The following GOLIM4 variants were observed in gnomAD, a reference collection of about 807,000 sequenced individuals.
The protein encoded by GOLIM4 is 130 kDa golgi-localized phosphoprotein.
In GOLIM4, 71 loss-of-function variants were observed where a neutral mutation model predicts 107.4. The ratio of observed to expected loss-of-function variants is 0.66; its 90% CI spans 0.55 to 0.81. GOLIM4 has a LOEUF of 0.81. Among genes scored for constraint, GOLIM4 ranks in the 30% least tolerant of loss-of-function variants. The probability of loss-of-function intolerance (pLI) is 0.00; values close to 1 mark genes in which losing one functional copy is unlikely to be tolerated. For synonymous variants in GOLIM4, 327 were observed against 294.8 expected (o/e 1.11, Z -1.12); for missense variants, 830 against 826.1 (o/e 1.00, Z -0.06).
intron 14 of GOLIM4, among the ~76,000 whole-genome samples, chr3:168,023,815 A>G (rs1717842881): frequency 6.6e-6 from 1 of 152,206 alleles, no homozygotes. Flanking sequence ...AACAAGCAGC[A>G]TTCACCAATT....
intron 1 of GOLIM4, among the ~76,000 whole-genome samples, chr3:168,052,041 T>G (rs781157157): frequency 6.6e-6 from 1 of 152,164 alleles, no homozygotes; most frequent in South Asian, 2.1e-4. Context: ...AGACACAGCC[T>G]TGATGCCTGG....
rs1272091504 is a variant in GOLIM4, at chr3:168,087,378, G to C, written c.187+7721C>G. Among the ~76,000 whole-genome samples the C allele has an allele frequency of 4.6e-5, 7 of 152,130 alleles. No individual in the cohort carries two copies. The East Asian group carries it at 1.3e-3, about 29-fold the overall frequency. Reference sequence around the variant, plus strand: ...GAAAAACAGAGAAGCAACTCTCTAGGAGAGAGATTCTAGCATCAGACTGAG... The same window carrying C: ...GAAAAACAGAGAAGCAACTCTCTAGCAGAGAGATTCTAGCATCAGACTGAG... On this transcript the variant is annotated intron_variant, in intron 1 of 15. Coordinates refer to ENST00000470487, the MANE Select transcript of GOLIM4 (RefSeq NM_014498.5).
intron 8 of GOLIM4, among the ~76,000 whole-genome samples, chr3:168,033,639 A>AAAAAAAAAAC (rs1718471419): frequency 7.0e-6 from 1 of 142,874 alleles, no homozygotes; most frequent in African/African-American, 2.7e-5. Context: ...AAAAAAAAAA[A>AAAAAAAAAAC]AAGAATGCCA....
intron 1 of GOLIM4, among the ~76,000 whole-genome samples, chr3:168,057,952 T>C (rs1160325627): frequency 1.3e-5 from 2 of 152,172 alleles, no homozygotes; most frequent in Non-Finnish European, 2.9e-5. Context: ...TTCCCAAATA[T>C]GTAGGCTCAT....
At chr3:168,093,778 A>T (rs527854752) in intron 1 of GOLIM4, among the ~76,000 whole-genome samples, 19 of 152,214 alleles carry the variant, frequency 1.2e-4, no homozygotes, top group Admixed American at 2.6e-4. Context: ...GTGGCTATGC[A>T]GCGTCAGTAA....
chr3:168,040,300 T>A (rs1264197425), intron 7 of GOLIM4, among the ~76,000 whole-genome samples: 1 of 152,234 alleles, frequency 6.6e-6, no homozygotes, highest in African/African-American at 2.4e-5. Flanking sequence ...TCCTTCTCTG[T>A]TGACTCTTCT....
At chr3:168,042,783 T>A (rs1306085484) in intron 5 of GOLIM4, among the ~76,000 whole-genome samples, 1 of 152,222 alleles carries the variant, frequency 6.6e-6, no homozygotes, top group Non-Finnish European at 1.5e-5. Flanking sequence ...TTATGTAAAT[T>A]ATTTCTCACA....
intron 1 of GOLIM4, among the ~76,000 whole-genome samples, chr3:168,064,037 C>T (rs527534689): frequency 6.6e-6 from 1 of 152,266 alleles, no homozygotes; most frequent in Non-Finnish European, 1.5e-5. Context: ...CACTATACCA[C>T]CCTGCATCAT....
At chr3:168,010,448 A>G in intron 15 of GOLIM4, 30 bp from the exon 16 acceptor site, 1 of 1,410,014 alleles carries the variant, frequency 7.1e-7, no homozygotes, top group Non-Finnish European at 1.0e-6. Flanking sequence ...AGAAAAACTA[A>G]GAGATAGTAT....
chr3:168,029,800 C>A lies in GOLIM4; in HGVS notation c.1413G>T (p.Pro471=), dbSNP rs370924739. ...GCTACCGGAGCTGCTCCTGGTGCTG[C>A]GGCCGGCCCTCCTCAAGCTCAGCCT... ...QRQAELEEGR[P]QHQEQLRQQA... The change falls in exon 10 of 16, where the codon CCG becomes CCT. Residue 471 remains proline, a synonymous_variant. Transcript: ENST00000470487. 6.2e-7 allele frequency: 1 copy of A among 1,613,714 alleles called. No homozygotes were observed. The highest frequency in any genetic ancestry group is 8.5e-7 in the Non-Finnish European group (1 of 1,179,966).
chr3:168,083,198 G>A (rs1721459130), intron 1 of GOLIM4, among the ~76,000 whole-genome samples: 1 of 152,102 alleles, frequency 6.6e-6, no homozygotes. Flanking sequence ...TTCAAAGTAG[G>A]AGTGAATGAA....
chr3:168,044,856 G>A lies in GOLIM4; in HGVS notation c.338C>T (p.Ala113Val), dbSNP rs1235755308. ...CAACATCTGATGTTGGACATTCAGT[G>A]CACTGTATCTGCTATTGGAATCTTG... ...GRQDSNSRYS[A>V]LNVQHQMLKS... Residue 113 changes from alanine to valine, a missense_variant, in exon 4 of 16, where the codon GCA becomes GTA. Transcript: ENST00000470487. The A allele has an allele frequency of 1.3e-6, 2 of 1,562,960 alleles. No homozygotes were observed. The highest frequency in any genetic ancestry group is 1.4e-5 in the African/African-American group (1 of 72,104).
intron 14 of GOLIM4, among the ~76,000 whole-genome samples, chr3:168,012,206 A>G (rs1230319774): frequency 7.6e-6 from 1 of 132,076 alleles, no homozygotes; most frequent in Non-Finnish European, 1.5e-5. Flanking sequence ...GAGCTGATGG[A>G]GCTGAAAACC....
intron 1 of GOLIM4, among the ~76,000 whole-genome samples, chr3:168,075,913 A>C (rs1157130740): frequency 1.3e-5 from 2 of 152,216 alleles, no homozygotes; most frequent in Non-Finnish European, 2.9e-5. Context: ...CAATATAATA[A>C]GTGACTAGTC....
At chr3:168,024,842 G>A in intron 13 of GOLIM4, 86 bp downstream of exon 13, 1 of 1,344,856 alleles carries the variant, frequency 7.4e-7, no homozygotes, top group Non-Finnish European at 1.0e-6. Flanking sequence ...TTCCGTCAAT[G>A]TGGAATATGA....
At chr3:168,047,921 A>T (rs1045818840) in intron 2 of GOLIM4, among the ~76,000 whole-genome samples, 1 of 152,182 alleles carries the variant, frequency 6.6e-6, no homozygotes, top group African/African-American at 2.4e-5. Flanking sequence ...ATTCTGGACA[A>T]TGCATCCTGT....
intron 14 of GOLIM4, among the ~76,000 whole-genome samples, chr3:168,022,731 A>C (rs1008979362): frequency 6.6e-6 from 1 of 152,248 alleles, no homozygotes; most frequent in Non-Finnish European, 1.5e-5. Context: ...CACTAAGAGC[A>C]CATGGAGCAA....
intron 14 of GOLIM4, among the ~76,000 whole-genome samples, chr3:168,019,561 C>T (rs1029857351): frequency 6.6e-6 from 1 of 152,152 alleles, no homozygotes; most frequent in African/African-American, 2.4e-5. Flanking sequence ...ATGGGATTCA[C>T]TCCCCTTTTT....
At position 168,046,931 on chromosome 3, in the gene GOLIM4, C is replaced by CA. The variant is rs145344890; in HGVS notation, c.312+18dup. On this transcript the variant is annotated intron_variant, in intron 3 of 15. Transcript: ENST00000470487. ...AATTAAGGAAAACAAACAACCACAA[C>CA]AAAAAAAACAAAACTTACCCTTCCT... 5,390 of 1,265,330 alleles carry CA rather than the reference C, an allele frequency of 4.3e-3. 149 individuals carry two copies. The African/African-American group carries it at 0.07, about 16-fold the overall frequency. 78.4% of individuals were successfully genotyped at this position (1,265,330 alleles called of 1,614,324 possible). A position where few individuals can be genotyped will look rare whatever the true frequency, so the allele number is the denominator to read the frequency against.
Sources: gnomAD v4.1 joint callset for allele counts (sites outside exome capture counted in the v4.1 genomes callset) on GRCh38, gnomAD v4.1.1 for gene constraint, MANE v1.5 for transcripts, NCBI Gene and HGNC (gene_info 2026-07-23, HGNC 2026-07-21) for gene names.